Variants in ARMH1 observed in about 807,000 individuals in gnomAD.
ARMH1 encodes the protein armadillo-like helical domain containing protein 1.
ARMH1 carries 34 observed loss-of-function variants against 50.2 expected under a neutral mutation model. That is an observed-to-expected ratio of 0.68 (90% CI 0.51 to 0.90). The LOEUF (loss-of-function observed/expected upper bound fraction) is 0.90, where lower values mean the gene tolerates loss of function less well. Among genes scored for constraint, ARMH1 ranks in the 40% least tolerant of loss-of-function variants. The pLI is 0.00. For missense variants in ARMH1, 538 were observed against 553.9 expected, an observed-to-expected ratio of 0.97 and a Z score of 0.29; for synonymous variants, 221 against 224.2, an observed-to-expected ratio of 0.99 and a Z score of 0.13.
chr1:44,709,710 A>G (rs535689801), intron 6 of ARMH1, among the ~76,000 whole-genome samples: 120 of 148,710 alleles, frequency 8.1e-4, no homozygotes, highest in African/African-American at 2.8e-3. Flanking sequence ...GGTGGCGCGC[A>G]CCTGTAGTCC....
At chr1:44,680,278 G>T (rs1026296961) in intron 1 of ARMH1, among the ~76,000 whole-genome samples, 2 of 152,232 alleles carry the variant, frequency 1.3e-5, no homozygotes, top group Non-Finnish European at 2.9e-5. Flanking sequence ...CCAGGTTCAA[G>T]TGATTCTCCC....
At position 44,725,320 on chromosome 1, in the gene ARMH1, A is replaced by G. The variant is rs1389933790; in HGVS notation, c.1240A>G (p.Met414Val). 1 of 1,551,814 alleles carries G rather than the reference A, an allele frequency of 6.4e-7. No individual in the cohort carries two copies. Among genetic ancestry groups the G allele is most frequent in the Admixed American group, 2.0e-5 (1 of 51,004 alleles). The change falls in exon 12 of 12, where the codon ATG becomes GTG. Residue 414 changes from methionine to valine, a missense_variant. Coordinates refer to ENST00000535358, the MANE Select transcript of ARMH1 (RefSeq NM_001145636.2). ...GTGCCTCCATGGCAGCTCCTACAGC[A>G]TGAACACTCTCTATGGCTCGCGCGA... ...ALCLHGSSYSMNTLYGSRDSA... is the reference protein window; with the variant it reads ...ALCLHGSSYSVNTLYGSRDSA...
At chr1:44,695,197 G>A (rs1476975019) in intron 2 of ARMH1, among the ~76,000 whole-genome samples, 2 of 152,150 alleles carry the variant, frequency 1.3e-5, no homozygotes, top group Non-Finnish European at 2.9e-5. Context: ...AGTTCACTGT[G>A]GGACCTTGGA....
Position 44,724,373 on chromosome 1 carries a change from G to A in ARMH1, c.901G>A (p.Ala301Thr). 3 of 1,550,868 alleles carry A rather than the reference G, an allele frequency of 1.9e-6. No individual in the cohort carries two copies. The South Asian group carries it at 3.6e-5, about 18-fold the overall frequency. ...CCTGCCGATGTTTTTGCAGCAGGCC[G>A]CGGCCGCCAAGGCCATCGGGTAAGC... ...PSLPMFLQQA[A>T]AAKAIGVLAR... Residue 301 changes from alanine to threonine, a missense_variant, in exon 8 of 12, where the codon GCG becomes ACG. Ala to Thr is a moderately conservative substitution (Grantham distance 58). Coordinates refer to ENST00000535358, the MANE Select transcript of ARMH1 (RefSeq NM_001145636.2). The surrounding 1 kb of genome is among the most constrained non-coding windows in gnomAD (Gnocchi z 6.4).
chr1:44,707,612 G>A (rs1036742947), intron 6 of ARMH1, among the ~76,000 whole-genome samples: 1 of 152,038 alleles, frequency 6.6e-6, no homozygotes, highest in African/African-American at 2.4e-5. Context: ...TGTAAAGATG[G>A]GGTCTCCCTA....
At chr1:44,685,375 C>T (rs1251958413) in intron 1 of ARMH1, among the ~76,000 whole-genome samples, 1 of 150,358 alleles carries the variant, frequency 6.7e-6, no homozygotes, top group Non-Finnish European at 1.5e-5. Flanking sequence ...GTGGCGGGAT[C>T]ATAGATCACT....
chr1:44,711,133 T>C (rs1192173929), intron 6 of ARMH1, among the ~76,000 whole-genome samples: 2 of 152,258 alleles, frequency 1.3e-5, no homozygotes, highest in African/African-American at 4.8e-5. Flanking sequence ...CCTTTGGCTC[T>C]TGTGAACCAG....
intron 2 of ARMH1, among the ~76,000 whole-genome samples, chr1:44,691,864 G>C (rs915688699): frequency 3.3e-5 from 5 of 152,210 alleles, no homozygotes; most frequent in Non-Finnish European, 2.9e-5. Flanking sequence ...GAGTAAGCTT[G>C]AGGGTAGATA....
intron 6 of ARMH1, among the ~76,000 whole-genome samples, chr1:44,717,466 C>T (rs924218579): frequency 1.3e-5 from 2 of 152,188 alleles, no homozygotes; most frequent in Non-Finnish European, 2.9e-5. Flanking sequence ...CACGCATCAC[C>T]GTCTCCAAGG....
chr1:44,685,034 C>A (rs879806433), intron 1 of ARMH1, among the ~76,000 whole-genome samples: 3 of 151,900 alleles, frequency 2.0e-5, no homozygotes, highest in African/African-American at 4.8e-5. Context: ...TAAAAAAAAA[C>A]AAACAAGCTT....
At chr1:44,715,640 A>G (rs146783814) in intron 6 of ARMH1, among the ~76,000 whole-genome samples, 1,760 of 151,938 alleles carry the variant, frequency 0.012, 31 homozygotes, top group African/African-American at 0.041. Context: ...GCTCAATGCA[A>G]CCTCTGCCTC....
intron 1 of ARMH1, among the ~76,000 whole-genome samples, chr1:44,678,553 C>T (rs890109348): frequency 2.0e-5 from 3 of 152,000 alleles, no homozygotes; most frequent in African/African-American, 7.3e-5. Context: ...ATAAGGACAC[C>T]TTGTTTGGAA....
At position 44,724,099 on chromosome 1, in the gene ARMH1, C is replaced by T. The variant is rs1287378345; in HGVS notation, c.725-23C>T. ...TGGCGGAGGGGCCTGGGGCCTCTCT[C>T]CAGCACCTCTGCCCTTCCGCAGCCA... On this transcript the variant is annotated intron_variant, in intron 6 of 11. Transcript: ENST00000535358. The surrounding 1 kb of genome is among the most constrained non-coding windows in gnomAD (Gnocchi z 6.4). 8 of 1,549,328 alleles carry T rather than the reference C, an allele frequency of 5.2e-6. No individual in the cohort carries two copies. The highest frequency in any genetic ancestry group is 7.0e-6 in the Non-Finnish European group (8 of 1,145,710).
At chr1:44,715,191 G>A (rs1053612330) in intron 6 of ARMH1, among the ~76,000 whole-genome samples, 2 of 152,146 alleles carry the variant, frequency 1.3e-5, no homozygotes, top group East Asian at 1.9e-4. Flanking sequence ...AGAAAGACCC[G>A]GAACCCTGGT....
intron 6 of ARMH1, among the ~76,000 whole-genome samples, chr1:44,714,223 T>C (rs1351468663): frequency 4.1e-5 from 6 of 148,096 alleles, no homozygotes; most frequent in African/African-American, 1.5e-4. Flanking sequence ...TGAGCCGAGA[T>C]TGCACCACTG....
In ARMH1 at chr1:44,710,465, C is replaced by T. The variant is rs923982738; in HGVS notation, c.724+6292C>T. Among the ~76,000 whole-genome samples, 6 of 151,828 alleles carry T rather than the reference C, an allele frequency of 4.0e-5. No homozygotes were observed. The South Asian group carries it at 6.3e-4, about 16-fold the overall frequency. ...TCTACTAAAAATACAAAAAATTAGC[C>T]GGGCGTGGTGGTGGGCGCCTGTAGT... On this transcript the variant is annotated intron_variant, in intron 6 of 11. Transcript: ENST00000535358.
rs1167931146 is a variant in ARMH1, at chr1:44,698,091, G to T, written c.304G>T (p.Val102Phe). 1.3e-6 allele frequency: 2 copies of T among 1,551,432 alleles called. No individual in the cohort carries two copies. The highest frequency in any genetic ancestry group is 8.7e-7 in the Non-Finnish European group (1 of 1,146,670). ...TCGGTACCTTATAGAATTTCTTGAG[G>T]TTGGAGGTGTCCTAACCCTCTTGGA... is the stretch of plus-strand genomic sequence containing the variant. Reference protein sequence around the residue: ...SNRYLIEFLEVGGVLTLLEIL... With the variant: ...SNRYLIEFLEFGGVLTLLEIL... Residue 102 changes from valine (V) to phenylalanine (F), a missense_variant, in exon 4 of 12, where the codon GTT becomes TTT. Val to Phe is a conservative substitution (Grantham distance 50). Coordinates refer to ENST00000535358, the MANE Select transcript of ARMH1 (RefSeq NM_001145636.2).
intron 6 of ARMH1, among the ~76,000 whole-genome samples, chr1:44,717,310 G>T (rs1473294536): frequency 1.3e-5 from 2 of 152,196 alleles, no homozygotes; most frequent in Non-Finnish European, 1.5e-5. Context: ...GCCTCCACAG[G>T]CTTAGCTCTG....
At chr1:44,700,194 C>T (rs898957323) in intron 4 of ARMH1, among the ~76,000 whole-genome samples, 13 of 152,192 alleles carry the variant, frequency 8.5e-5, no homozygotes, top group Non-Finnish European at 1.8e-4. Context: ...TGCCTGTCTA[C>T]CCCATGGCCT....
Sources: gnomAD v4.1 joint callset for allele counts (sites outside exome capture counted in the v4.1 genomes callset) on GRCh38, gnomAD v4.1.1 for gene constraint, Gnocchi (gnomAD v3.1) non-coding constraint, MANE v1.5 for transcripts, NCBI Gene and HGNC (gene_info 2026-07-23, HGNC 2026-07-21) for gene names.